Variants in HADHA observed in about 807,000 individuals in gnomAD.
HADHA encodes trifunctional enzyme subunit alpha, mitochondrial.
Under a neutral mutation model 91.3 loss-of-function variants are expected in HADHA, and 59 were observed. That is an observed-to-expected ratio of 0.65 (90% CI 0.52 to 0.80). HADHA has a LOEUF of 0.80. HADHA is among the 30% of genes least tolerant of loss of function. The probability of loss-of-function intolerance (pLI) is 0.00; values close to 1 mark genes in which losing one functional copy is unlikely to be tolerated. For missense variants in HADHA, 800 were observed against 927.6 expected (o/e 0.86, Z 1.79); for synonymous variants, 320 against 338.9 (o/e 0.94, Z 0.61).
chr2:26,238,565 T>C (rs1670816374), intron 3 of HADHA, among the ~76,000 whole-genome samples: 1 of 152,228 alleles, frequency 6.6e-6, no homozygotes, highest in South Asian at 2.1e-4. Flanking sequence ...TAGTGACTTA[T>C]GTCAGGCAAG....
chr2:26,212,554 A>C lies in HADHA; in HGVS notation c.975+16T>G, dbSNP rs948740834. The C allele has an allele frequency of 1.4e-6, 2 of 1,479,232 alleles. No individual in the cohort carries two copies. The highest frequency in any genetic ancestry group is 1.9e-6 in the Non-Finnish European group (2 of 1,056,746). The allele number at this position is 1,479,232 out of a possible 1,614,324, so 91.6% of individuals were successfully genotyped here. On this transcript the variant is annotated intron_variant, in intron 10 of 19. Transcript: ENST00000380649. ...CCTTTAACTGATAATAAAACATTGA[A>C]AGGAAATAAGTTTACCTGAGATTCA...
chr2:26,238,084 T>C (rs1670803575), intron 3 of HADHA, among the ~76,000 whole-genome samples: 1 of 152,238 alleles, frequency 6.6e-6, no homozygotes, highest in Admixed American at 6.5e-5. Flanking sequence ...CATAGCTCAC[T>C]GTAACCTTGA....
intron 10 of HADHA, 23 bp downstream of exon 10, chr2:26,212,547 A>C (rs1165667370): frequency 2.1e-6 from 3 of 1,412,394 alleles, no homozygotes; most frequent in African/African-American, 1.4e-5. Flanking sequence ...TGATAATAAA[A>C]CATTGAAAGG....
At chr2:26,194,319 G>C (rs1368927224) in intron 16 of HADHA, among the ~76,000 whole-genome samples, 1 of 152,126 alleles carries the variant, frequency 6.6e-6, no homozygotes, top group Non-Finnish European at 1.5e-5. Context: ...AAGACATGCT[G>C]GGGGGTGGGG....
At chr2:26,200,975 G>A (rs549920637) in intron 13 of HADHA, among the ~76,000 whole-genome samples, 174 bp downstream of exon 13, 3 of 151,876 alleles carry the variant, frequency 2.0e-5, no homozygotes, top group African/African-American at 7.2e-5. Context: ...CTCGTGATCC[G>A]CCCACCTCAG....
intron 13 of HADHA, 129 bp downstream of exon 13, chr2:26,201,020 C>T: frequency 1.3e-6 from 1 of 766,928 alleles, no homozygotes. Context: ...GCGTGAGCCA[C>T]CATGCCCAGC....
intron 1 of HADHA, among the ~76,000 whole-genome samples, chr2:26,244,175 A>G (rs1277176468): frequency 6.6e-6 from 1 of 152,270 alleles, no homozygotes; most frequent in Non-Finnish European, 1.5e-5. Flanking sequence ...TGGAGCCACA[A>G]AGATGCGACA....
intron 11 of HADHA, among the ~76,000 whole-genome samples, chr2:26,209,464 G>A (rs1321791777): frequency 6.6e-6 from 1 of 152,200 alleles, no homozygotes; most frequent in Non-Finnish European, 1.5e-5. Context: ...CACAGGGAGA[G>A]AGATGATCAT....
chr2:26,226,694 G>T (rs1389071217), intron 7 of HADHA, among the ~76,000 whole-genome samples: 1 of 152,174 alleles, frequency 6.6e-6, no homozygotes, highest in South Asian at 2.1e-4. Flanking sequence ...AGACCAAAAT[G>T]TAAGAGCTAA....
chr2:26,231,539 G>A (rs550590845), intron 6 of HADHA, among the ~76,000 whole-genome samples: 29 of 152,274 alleles, frequency 1.9e-4, no homozygotes, highest in African/African-American at 7.0e-4. Flanking sequence ...TATGACTCAT[G>A]GTTTTGAAAA....
In HADHA at chr2:26,214,424, A is replaced by G. The variant is rs372010520; in HGVS notation, c.918+19T>C. On this transcript the variant is annotated intron_variant, in intron 9 of 19. Transcript: ENST00000380649. The surrounding 1 kb of genome is among the most constrained non-coding windows in gnomAD (Gnocchi z 4.1). ...AGGAAGGAAATATGAGAAAAGTGGG[A>G]ATATTGGGTAAGACTCACATCAATT... 56 of 1,092,994 alleles carry G rather than the reference A, an allele frequency of 5.1e-5. No individual in the cohort carries two copies. The highest frequency in any genetic ancestry group is 7.5e-5 in the Non-Finnish European group (53 of 705,290). The allele number at this position is 1,092,994 out of a possible 1,614,324, so 67.7% of individuals were successfully genotyped here.
intron 6 of HADHA, among the ~76,000 whole-genome samples, 158 bp from the exon 7 acceptor site, chr2:26,230,452 C>T (rs1670596028): frequency 6.6e-6 from 1 of 152,134 alleles, no homozygotes; most frequent in East Asian, 1.9e-4. Context: ...ATTTAATATA[C>T]TGATATACAC....
intron 1 of HADHA, 49 bp downstream of exon 1, chr2:26,244,481 C>G: frequency 6.5e-7 from 1 of 1,541,332 alleles, no homozygotes; most frequent in Non-Finnish European, 8.8e-7. Context: ...ACCCCAGTCC[C>G]GGCAGGAGTT....
chr2:26,220,036 G>A (rs1016749490), intron 7 of HADHA, among the ~76,000 whole-genome samples: 28 of 152,096 alleles, frequency 1.8e-4, no homozygotes, highest in African/African-American at 6.5e-4. Context: ...TTCCCCAAAG[G>A]GACCTATGGC....
chr2:26,236,353 G>T (rs1670751994), intron 4 of HADHA, among the ~76,000 whole-genome samples: 1 of 107,364 alleles, frequency 9.3e-6, no homozygotes, highest in Admixed American at 9.4e-5. Flanking sequence ...GTGTGTGTGT[G>T]TGTGTGTATA....
At chr2:26,227,299 G>A (rs1670506847) in intron 7 of HADHA, among the ~76,000 whole-genome samples, 1 of 152,108 alleles carries the variant, frequency 6.6e-6, no homozygotes, top group African/African-American at 2.4e-5. Context: ...ATAACTTGAG[G>A]TCAGGAGTTT....
At chr2:26,222,612 T>A (rs969001349) in intron 7 of HADHA, among the ~76,000 whole-genome samples, 4 of 152,182 alleles carry the variant, frequency 2.6e-5, no homozygotes, top group Non-Finnish European at 5.9e-5. Flanking sequence ...AGGTTATGCA[T>A]GGGCTTAGGC....
Position 26,232,191 on chromosome 2 carries a change from C to A in HADHA, c.542G>T (p.Gly181Val). ...TPEVLLGALPGAGGTQRLPKM... is the reference protein window; with the variant it reads ...TPEVLLGALPVAGGTQRLPKM... ...GGGCAGCCTTTGTGTGCCTCCTGCT[C>A]CTGGTAAGGCCCCCAGCAAAACTTC... The change falls in exon 6 of 20, where the codon GGA becomes GTA. Residue 181 changes from glycine (G) to valine (V), a missense_variant. By Grantham distance (109) the Gly-to-Val change is moderately radical. Transcript: ENST00000380649. The A allele has an allele frequency of 5.6e-6, 9 of 1,611,106 alleles. No individual in the cohort carries two copies. Among genetic ancestry groups the A allele is most frequent in the Non-Finnish European group, 7.6e-6 (9 of 1,177,272 alleles).
chr2:26,224,984 T>C (rs1408714549), intron 7 of HADHA, among the ~76,000 whole-genome samples: 1 of 152,204 alleles, frequency 6.6e-6, no homozygotes, highest in African/African-American at 2.4e-5. Context: ...ATTTGGCAAA[T>C]TGTTAATAGA....
Sources: gnomAD v4.1 joint callset for allele counts (sites outside exome capture counted in the v4.1 genomes callset) on GRCh38, gnomAD v4.1.1 for gene constraint, Gnocchi (gnomAD v3.1) non-coding constraint, MANE v1.5 for transcripts, NCBI Gene and HGNC (gene_info 2026-07-23, HGNC 2026-07-21) for gene names.